The following DHX57 variants were observed in gnomAD, a reference collection of about 807,000 sequenced individuals.
DHX57 encodes putative ATP-dependent RNA helicase DHX57.
DHX57 carries 105 observed loss-of-function variants against 156.2 expected under a neutral mutation model. The observed-to-expected ratio is 0.67, with a 90% CI of 0.57 to 0.79. The LOEUF (loss-of-function observed/expected upper bound fraction) is 0.79, where lower values mean the gene tolerates loss of function less well. Ranked by LOEUF, DHX57 falls within the 30% of genes least tolerant of loss-of-function variation. The probability of loss-of-function intolerance (pLI) is 0.00; values close to 1 mark genes in which losing one functional copy is unlikely to be tolerated. For synonymous variants in DHX57, 704 were observed against 595.6 expected, an observed-to-expected ratio of 1.18 and a Z score of -2.65; for missense variants, 1,847 against 1,661.9, an observed-to-expected ratio of 1.11 and a Z score of -1.94.
intron 13 of DHX57, among the ~76,000 whole-genome samples, chr2:38,830,536 C>T (rs1671326067): frequency 2.0e-5 from 3 of 151,378 alleles, no homozygotes; most frequent in South Asian, 2.1e-4. Flanking sequence ...GCTGGAGGCA[C>T]GAGAATCACT....
intron 17 of DHX57, among the ~76,000 whole-genome samples, chr2:38,820,071 T>C (rs1279898934): frequency 6.6e-6 from 1 of 152,194 alleles, no homozygotes; most frequent in Non-Finnish European, 1.5e-5. Flanking sequence ...AATGCCCTAG[T>C]TGCAACACCA....
intron 15 of DHX57, among the ~76,000 whole-genome samples, chr2:38,826,279 A>G (rs1401639039): frequency 6.6e-6 from 1 of 152,212 alleles, no homozygotes; most frequent in Non-Finnish European, 1.5e-5. Flanking sequence ...TCATACAAGC[A>G]CATATAAAAT....
At chr2:38,810,627 C>T (rs1670194092) in intron 21 of DHX57, 1 of 646,362 alleles carries the variant, frequency 1.5e-6, no homozygotes, top group African/African-American at 1.8e-5. Context: ...AGATGGATAC[C>T]TGCACTTTCC....
At position 38,828,345 on chromosome 2, in the gene DHX57, A is replaced by G. The variant is rs767752617; in HGVS notation, c.2634T>C (p.Ser878=). The change falls in exon 14 of 24, where the codon AGT becomes AGC. Residue 878 remains serine (S), a synonymous_variant. Coordinates refer to ENST00000457308, the MANE Select transcript of DHX57 (RefSeq NM_198963.3). ...ATAGAAAGCAATTAGCTTACCGATT[A>G]CTACGTCTGTTGTTGAAAAGAGAAT... ...QSNSLFNNRR[S]NRCVIHPLHS... The G allele has an allele frequency of 5.0e-6, 8 of 1,610,502 alleles. No individual in the cohort carries two copies. The East Asian group carries it at 1.8e-4, about 36-fold the overall frequency.
rs539327264 is a variant in DHX57 at position 38,798,191 on chromosome 2, C to T, written c.*108G>A. 2.3e-4 allele frequency: 332 copies of T among 1,460,588 alleles called. 3 individuals carry two copies. The South Asian group carries it at 4.4e-3, about 19-fold the overall frequency. The allele number at this position is 1,460,588 out of a possible 1,614,324, so 90.5% of individuals were successfully genotyped here. On this transcript the variant is annotated 3_prime_UTR_variant, in exon 24 of 24. Coordinates refer to ENST00000457308, the MANE Select transcript of DHX57 (RefSeq NM_198963.3). ...CTTGGGCTTCATGCCCTGGGCTCCTCCACCAGGGCCAGCCCCAATAGGTCT... is the reference window on the plus strand; with the variant it reads ...CTTGGGCTTCATGCCCTGGGCTCCTTCACCAGGGCCAGCCCCAATAGGTCT...
At chr2:38,810,524 G>T (rs1391923143) in intron 21 of DHX57, 2 of 560,638 alleles carry the variant, frequency 3.6e-6, no homozygotes, top group East Asian at 4.4e-5. Flanking sequence ...CGACTGGCTG[G>T]CTCATCATTG....
In DHX57 at chr2:38,806,565, G is replaced by A; in HGVS notation, c.3810C>T (p.Asn1270=). Residue 1270 remains asparagine (N), a synonymous_variant, in exon 22 of 24, where the codon AAC becomes AAT. Coordinates refer to ENST00000457308, the MANE Select transcript of DHX57 (RefSeq NM_198963.3). ...TATACTCCACCATTCTGACCTGATAGTTCACTGATGAAGGGTGAATGTGTA... is the reference window on the plus strand; with the variant it reads ...TATACTCCACCATTCTGACCTGATAATTCACTGATGAAGGGTGAATGTGTA... The part of the protein sequence containing the change: ...GYVHIHPSSV[N]YQVRHFDSPY... 1 of 1,613,986 alleles carries A rather than the reference G, an allele frequency of 6.2e-7. No individual in the cohort carries two copies. The highest frequency in any genetic ancestry group is 8.5e-7 in the Non-Finnish European group (1 of 1,179,976).
rs977402648 is a variant in DHX57, at chr2:38,803,169, G to A, written c.3817-254C>T. On this transcript the variant is annotated intron_variant, in intron 22 of 23. Coordinates refer to ENST00000457308, the MANE Select transcript of DHX57 (RefSeq NM_198963.3). ...TTTTTAAATTTTTTCGTAGAGATAG[G>A]GTCTCACCATGTTGCCCAGGCTGGT... 3.0e-5 allele frequency: 13 copies of A among 430,912 alleles called. No homozygotes were observed. The Admixed American group carries it at 4.5e-4, about 15-fold the overall frequency. 26.7% of individuals were successfully genotyped at this position (430,912 alleles called of 1,614,324 possible). A position where few individuals can be genotyped will look rare whatever the true frequency, so the allele number is the denominator to read the frequency against.
At chr2:38,851,696 T>C (rs914731262) in intron 9 of DHX57, among the ~76,000 whole-genome samples, 11 of 152,202 alleles carry the variant, frequency 7.2e-5, no homozygotes, top group African/African-American at 2.4e-4. Context: ...TTCTTCAAGT[T>C]TGTGGAAGTA....
chr2:38,862,025 C>T, intron 4 of DHX57, 120 bp downstream of exon 4: 2 of 1,257,932 alleles, frequency 1.6e-6, no homozygotes, highest in Non-Finnish European at 1.1e-6. Flanking sequence ...GAATATTAGG[C>T]CTATCAGGCA....
intron 5 of DHX57, among the ~76,000 whole-genome samples, 179 bp downstream of exon 5, chr2:38,860,820 C>T (rs1263398338): frequency 6.6e-6 from 1 of 152,170 alleles, no homozygotes; most frequent in Non-Finnish European, 1.5e-5. Context: ...TTGAGCCTTA[C>T]AATTAAAGTC....
At chr2:38,812,732 CA>C (rs1210546517) in intron 21 of DHX57, among the ~76,000 whole-genome samples, 1 of 151,638 alleles carries the variant, frequency 6.6e-6, no homozygotes, top group Admixed American at 6.6e-5. Context: ...GGGGTTTCTC[CA>C]TATTGGTCAG....
intron 13 of DHX57, among the ~76,000 whole-genome samples, chr2:38,831,451 T>G (rs1485702003): frequency 6.6e-6 from 1 of 151,862 alleles, no homozygotes; most frequent in East Asian, 1.9e-4. Context: ...TGCCTCAGCC[T>G]CCCGACTAGC....
intron 13 of DHX57, among the ~76,000 whole-genome samples, chr2:38,832,549 ATAT>A (rs763562746): frequency 0.27 from 5,946 of 21,748 alleles, 134 homozygotes; most frequent in East Asian, 0.49. Flanking sequence ...ATATATATAT[ATAT>A]TTTTTTTTTT....
At chr2:38,848,187 A>T in intron 10 of DHX57, 82 bp downstream of exon 10, 1 of 1,357,100 alleles carries the variant, frequency 7.4e-7, no homozygotes, top group Non-Finnish European at 9.9e-7. Flanking sequence ...AAGAGGTATA[A>T]ATATCTACTT....
chr2:38,832,379 G>T (rs1199656213), intron 13 of DHX57, among the ~76,000 whole-genome samples: 1 of 151,930 alleles, frequency 6.6e-6, no homozygotes, highest in African/African-American at 2.4e-5. Context: ...GGCGGAAGTT[G>T]CAGAGCCGAG....
chr2:38,807,107 T>C (rs1558353584), intron 21 of DHX57, among the ~76,000 whole-genome samples: 1 of 151,678 alleles, frequency 6.6e-6, no homozygotes. Context: ...CAGGCCAGAG[T>C]GCACTGGTGC....
intron 15 of DHX57, 76 bp from the exon 16 acceptor site, chr2:38,826,123 G>A: frequency 1.4e-6 from 2 of 1,435,616 alleles, no homozygotes; most frequent in South Asian, 1.2e-5. Flanking sequence ...GGACAGAATA[G>A]ATGAACCAGC....
intron 9 of DHX57, among the ~76,000 whole-genome samples, chr2:38,851,230 G>T (rs924546116): frequency 6.6e-6 from 1 of 152,130 alleles, no homozygotes; most frequent in African/African-American, 2.4e-5. Context: ...GAAGAAAAGA[G>T]ACTAAAATTA....
Sources: gnomAD v4.1 joint callset for allele counts (sites outside exome capture counted in the v4.1 genomes callset) on GRCh38, gnomAD v4.1.1 for gene constraint, MANE v1.5 for transcripts, NCBI Gene and HGNC (gene_info 2026-07-23, HGNC 2026-07-21) for gene names.